The following SNX29 variants were observed in gnomAD, a reference collection of about 807,000 sequenced individuals.
SNX29 encodes the protein sorting nexin-29.
In SNX29, 78 loss-of-function variants were observed where a neutral mutation model predicts 102.1. That is an observed-to-expected ratio of 0.76 (90% confidence interval 0.64 to 0.92). SNX29 has a LOEUF of 0.92. Among genes scored for constraint, SNX29 ranks in the 40% least tolerant of loss-of-function variants. The probability of loss-of-function intolerance (pLI) is 0.00; values close to 1 mark genes in which losing one functional copy is unlikely to be tolerated. For missense variants in SNX29, 1,280 were observed against 1,061.7 expected (o/e 1.21, Z -2.86); for synonymous variants, 580 against 414.5 (o/e 1.40, Z -4.85).
At chr16:12,304,934 T>C (rs2080293119) in intron 15 of SNX29, among the ~76,000 whole-genome samples, 1 of 152,238 alleles carries the variant, frequency 6.6e-6, no homozygotes, top group Admixed American at 6.5e-5. Flanking sequence ...CAGCTGTGCA[T>C]GTTACTAATT....
At chr16:12,528,161 A>G (rs912656059) in intron 20 of SNX29, among the ~76,000 whole-genome samples, 1 of 151,762 alleles carries the variant, frequency 6.6e-6, no homozygotes, top group African/African-American at 2.4e-5. Flanking sequence ...ACTTGCCAAC[A>G]TCAAAAAATT....
Position 12,572,730 on chromosome 16 carries a change from C to CA in SNX29, c.*4104dup. On this transcript the variant is annotated 3_prime_UTR_variant, in exon 21 of 21. Coordinates refer to ENST00000566228, the MANE Select transcript of SNX29 (RefSeq NM_032167.5). ...TCCAGCCTTGGCACAGAACTGATGG[C>CA]AAAGGAAGGGCTGGGTTTTCAGCTT... 9.4e-7 allele frequency: 1 copy of CA among 1,063,998 alleles called. No individual in the cohort carries two copies. Among genetic ancestry groups the CA allele is most frequent in the East Asian group, 5.0e-5 (1 of 19,888 alleles). 65.9% of individuals were successfully genotyped at this position (1,063,998 alleles called of 1,614,324 possible).
At chr16:12,068,845 C>T (rs1054951251) in intron 9 of SNX29, among the ~76,000 whole-genome samples, 1 of 152,160 alleles carries the variant, frequency 6.6e-6, no homozygotes, top group Non-Finnish European at 1.5e-5. Flanking sequence ...AAGTATAGGG[C>T]TTTCTGCTTC....
chr16:12,055,752 C>T (rs2050493536), intron 8 of SNX29, among the ~76,000 whole-genome samples: 1 of 150,920 alleles, frequency 6.6e-6, no homozygotes, highest in Non-Finnish European at 1.5e-5. Context: ...GCAGCGTAAT[C>T]TGGTTCACCC....
intron 3 of SNX29, among the ~76,000 whole-genome samples, chr16:12,010,380 G>A (rs564044555): frequency 6.6e-6 from 1 of 152,128 alleles, no homozygotes; most frequent in South Asian, 2.1e-4. Context: ...CAAGCCCTTT[G>A]AGAGGCCAAG....
chr16:12,524,388 G>A (rs577181550), intron 19 of SNX29, among the ~76,000 whole-genome samples: 3 of 151,954 alleles, frequency 2.0e-5, no homozygotes, highest in Admixed American at 1.3e-4. Context: ...TGTGTTCATT[G>A]TTCTACCCTG....
At chr16:12,353,630 T>C (rs2082053961) in intron 15 of SNX29, among the ~76,000 whole-genome samples, 1 of 152,212 alleles carries the variant, frequency 6.6e-6, no homozygotes, top group African/African-American at 2.4e-5. Flanking sequence ...CATTTGCACC[T>C]GTAGTTTCCT....
At chr16:12,220,812 G>A (rs977991474) in intron 14 of SNX29, among the ~76,000 whole-genome samples, 1 of 152,040 alleles carries the variant, frequency 6.6e-6, no homozygotes, top group African/African-American at 2.4e-5. Context: ...TCCTGTGATG[G>A]GTGTAATTAT....
At chr16:12,242,400 T>G (rs1415113178) in intron 14 of SNX29, among the ~76,000 whole-genome samples, 1 of 147,772 alleles carries the variant, frequency 6.8e-6, no homozygotes, top group African/African-American at 2.5e-5. Context: ...AGGAGTTACA[T>G]TCAATCCTCA....
chr16:12,519,781 G>A (rs2090021990), intron 19 of SNX29, among the ~76,000 whole-genome samples: 1 of 152,020 alleles, frequency 6.6e-6, no homozygotes, highest in Non-Finnish European at 1.5e-5. Context: ...CTGAGGGCAG[G>A]AGTATCACCT....
Position 12,568,804 on chromosome 16 carries a change from C to A in SNX29, c.*175C>A. The A allele has an allele frequency of 9.7e-7, 1 of 1,032,272 alleles. No homozygotes were observed. Among genetic ancestry groups the A allele is most frequent in the Non-Finnish European group, 1.4e-6 (1 of 731,658 alleles). The allele number at this position is 1,032,272 out of a possible 1,614,324, so 63.9% of individuals were successfully genotyped here. ...ATTAAACTAATCAGTCTTCGAGCCG[C>A]ATGATACCGTGACCCGAGAGACCAA... On this transcript the variant is annotated 3_prime_UTR_variant, in exon 21 of 21. Coordinates refer to ENST00000566228, the MANE Select transcript of SNX29 (RefSeq NM_032167.5).
At chr16:12,267,584 A>G (rs1237565512) in intron 14 of SNX29, among the ~76,000 whole-genome samples, 2 of 152,198 alleles carry the variant, frequency 1.3e-5, no homozygotes, top group Non-Finnish European at 2.9e-5. Context: ...ATGGCAGGGC[A>G]CTGGAACCTC....
chr16:12,013,219 G>A (rs1008149342), intron 3 of SNX29, among the ~76,000 whole-genome samples: 1 of 151,594 alleles, frequency 6.6e-6, no homozygotes, highest in African/African-American at 2.4e-5. Flanking sequence ...AAGCCAAATA[G>A]CCAGCAAACA....
intron 13 of SNX29, among the ~76,000 whole-genome samples, chr16:12,164,838 C>T (rs2055946056): frequency 6.6e-6 from 1 of 152,002 alleles, no homozygotes; most frequent in South Asian, 2.1e-4. Flanking sequence ...CAGGTGCCCA[C>T]CACCATGCCC....
intron 16 of SNX29, among the ~76,000 whole-genome samples, chr16:12,380,956 TCCATCAATTTCATCCACCCAC>T (rs2083095290): frequency 6.2e-5 from 1 of 16,054 alleles, no homozygotes; most frequent in Non-Finnish European, 1.0e-4. Context: ...CATCCACCCA[TCCATCAATTTCATCCACCCAC>T]CATCCATCCA....
At chr16:12,461,640 C>T (rs2086778780) in intron 18 of SNX29, among the ~76,000 whole-genome samples, 1 of 151,872 alleles carries the variant, frequency 6.6e-6, no homozygotes, top group Non-Finnish European at 1.5e-5. Flanking sequence ...GAGGAGTTTT[C>T]CTTTAAATTT....
chr16:12,046,479 C>T, intron 6 of SNX29, 25 bp downstream of exon 6: 3 of 1,612,930 alleles, frequency 1.9e-6, no homozygotes, highest in Non-Finnish European at 2.5e-6. Context: ...GACCAGGGTG[C>T]AGGGCCTTGT....
intron 20 of SNX29, among the ~76,000 whole-genome samples, chr16:12,566,417 T>C (rs1449735350): frequency 6.1e-5 from 3 of 48,898 alleles, no homozygotes; most frequent in African/African-American, 3.6e-4. Flanking sequence ...GCCTGTTACC[T>C]CCAGGGCCTC....
chr16:12,520,927 A>T (rs913189066), intron 19 of SNX29, among the ~76,000 whole-genome samples: 1 of 152,172 alleles, frequency 6.6e-6, no homozygotes, highest in African/African-American at 2.4e-5. Flanking sequence ...GGCCGGGTGC[A>T]GTAGCTCATG....
Sources: allele counts gnomAD v4.1 joint callset (sites outside exome capture counted in the v4.1 genomes callset), GRCh38; gene constraint gnomAD v4.1.1; transcripts MANE v1.5; gene names NCBI Gene and HGNC (gene_info 2026-07-23, HGNC 2026-07-21).